The following PRKN variants were observed in gnomAD, a reference collection of about 807,000 sequenced individuals.
PRKN encodes the protein parkin RBR E3 ubiquitin protein ligase, also known as E3 ubiquitin-protein ligase parkin.
PRKN carries 56 observed loss-of-function variants against 59.5 expected under a neutral mutation model. The ratio of observed to expected loss-of-function variants is 0.94; its 90% CI spans 0.76 to 1.18. The LOEUF is 1.18. Among genes scored for constraint, PRKN ranks in the 50% most tolerant of loss-of-function variants. The pLI, the probability that PRKN is intolerant of heterozygous loss-of-function variation, is 0.00. For missense variants in PRKN, 657 were observed against 596.4 expected (o/e 1.10, Z -1.06); for synonymous variants, 250 against 222.1 (o/e 1.13, Z -1.12).
In PRKN at chr6:162,342,442, A is replaced by C. The variant is rs1164450503; in HGVS notation, c.172-79677T>G. ...TGAAGTAGTTTACATATATTATCTC[A>C]TATCACCTTCTTAATAACTTAATGA... On this transcript the variant is annotated intron_variant, in intron 2 of 11. Transcript: ENST00000366898. 2.0e-5 allele frequency among the ~76,000 whole-genome samples: 3 copies of C among 152,336 alleles called. No homozygotes were observed. The South Asian group carries it at 6.2e-4, about 32-fold the overall frequency.
At chr6:162,566,115 A>G (rs1780066906) in intron 1 of PRKN, among the ~76,000 whole-genome samples, 1 of 152,154 alleles carries the variant, frequency 6.6e-6, no homozygotes, top group Admixed American at 6.5e-5. Context: ...CCAAAGAGAG[A>G]GATAAGCCTC....
At chr6:161,840,891 G>A (rs780910910) in intron 6 of PRKN, among the ~76,000 whole-genome samples, 2 of 151,830 alleles carry the variant, frequency 1.3e-5, no homozygotes, top group Non-Finnish European at 2.9e-5. Flanking sequence ...TGGTCAGAAT[G>A]GCTATTATTA....
At chr6:162,210,641 C>T (rs184254276) in intron 3 of PRKN, among the ~76,000 whole-genome samples, 2 of 152,096 alleles carry the variant, frequency 1.3e-5, no homozygotes, top group Admixed American at 1.3e-4. Flanking sequence ...TTATGGAACA[C>T]AAACCCTGAT....
intron 2 of PRKN, among the ~76,000 whole-genome samples, chr6:162,399,534 T>C (rs964237455): frequency 6.6e-6 from 1 of 151,748 alleles, no homozygotes; most frequent in South Asian, 2.1e-4. Context: ...GAATAACACA[T>C]ACACACACAC....
intron 4 of PRKN, among the ~76,000 whole-genome samples, chr6:162,091,269 A>G (rs773536950): frequency 2.0e-5 from 3 of 152,198 alleles, no homozygotes; most frequent in Non-Finnish European, 4.4e-5. Context: ...TAAAGATGAT[A>G]GCTATTTACA....
chr6:162,519,545 CAT>C (rs1180010721), intron 1 of PRKN, among the ~76,000 whole-genome samples: 8 of 152,092 alleles, frequency 5.3e-5, no homozygotes, highest in African/African-American at 1.7e-4. Flanking sequence ...TTGATATTAA[CAT>C]ATGTGAGATT....
At chr6:161,431,967 A>G (rs1788667662) in intron 9 of PRKN, among the ~76,000 whole-genome samples, 1 of 152,194 alleles carries the variant, frequency 6.6e-6, no homozygotes, top group Non-Finnish European at 1.5e-5. Context: ...CACTTTCTTG[A>G]CAATGTTTGA....
Position 161,502,803 on chromosome 6 carries a change from G to T in PRKN, c.1083+46051C>A, listed in dbSNP as rs753009796. On this transcript the variant is annotated intron_variant, in intron 9 of 11. Coordinates refer to ENST00000366898, the MANE Select transcript of PRKN (RefSeq NM_004562.3). The surrounding 1 kb of genome is among the most constrained non-coding windows in gnomAD (Gnocchi z 4.0). The stretch of plus-strand genomic sequence containing the variant: ...TACGGTGAATGTGTGGGAAGGACAG[G>T]TGTGGAATGGTTATAAGTACATGCT... 4.6e-5 allele frequency among the ~76,000 whole-genome samples: 7 copies of T among 152,302 alleles called. No individual in the cohort carries two copies. The highest frequency in any genetic ancestry group is 7.4e-5 in the Non-Finnish European group (5 of 68,020).
At position 162,023,114 on chromosome 6, in the gene PRKN, C is replaced by A. The variant is rs565951958; in HGVS notation, c.618+30977G>T. 2.8e-4 allele frequency among the ~76,000 whole-genome samples: 43 copies of A among 152,048 alleles called. 2 individuals are homozygous for A. In the Middle Eastern group the frequency reaches 0.01, roughly 36 times the overall value. ...GGCTTGCTTCTTCAGAGCCCTGCTG[C>A]TCCAACCTCTAGGTGAACATACAGA... On this transcript the variant is annotated intron_variant, in intron 5 of 11. Transcript: ENST00000366898.
chr6:162,111,455 ACT>A (rs1385283329), intron 4 of PRKN, among the ~76,000 whole-genome samples: 3 of 146,806 alleles, frequency 2.0e-5, no homozygotes, highest in Admixed American at 6.8e-5. Flanking sequence ...ACAGAGTGAG[ACT>A]CTGTCTAAAA....
At chr6:161,665,758 T>C (rs182783593) in intron 7 of PRKN, among the ~76,000 whole-genome samples, 269 of 152,314 alleles carry the variant, frequency 1.8e-3, no homozygotes, top group Middle Eastern at 3.4e-3. Flanking sequence ...ACAAAACACG[T>C]CATCGGCCTT....
chr6:162,302,911 A>G (rs963341162), intron 2 of PRKN, among the ~76,000 whole-genome samples: 2 of 151,210 alleles, frequency 1.3e-5, no homozygotes, highest in South Asian at 4.2e-4. Flanking sequence ...AACCTCATTG[A>G]ACATTATCAT....
At chr6:161,787,536 C>A (rs1382019259) in intron 6 of PRKN, among the ~76,000 whole-genome samples, 1 of 152,242 alleles carries the variant, frequency 6.6e-6, no homozygotes. Context: ...TATTCTCCAT[C>A]TTGCTTTCAG....
At chr6:162,645,789 C>T (rs1178722862) in intron 1 of PRKN, among the ~76,000 whole-genome samples, 1 of 152,004 alleles carries the variant, frequency 6.6e-6, no homozygotes, top group African/African-American at 2.4e-5. Context: ...TCAAAAGACT[C>T]CCACCAAACC....
intron 2 of PRKN, among the ~76,000 whole-genome samples, chr6:162,414,534 CT>C (rs564218305): frequency 7.2e-4 from 109 of 151,094 alleles, no homozygotes; most frequent in Admixed American, 1.1e-3. Flanking sequence ...GGTGAAACCC[CT>C]ATCTCTACTA....
chr6:162,611,504 T>C (rs1175175115), intron 1 of PRKN, among the ~76,000 whole-genome samples: 1 of 152,136 alleles, frequency 6.6e-6, no homozygotes, highest in Non-Finnish European at 1.5e-5. Context: ...CACAGGTGTA[T>C]CAAGGGTGCA....
At chr6:162,482,886 C>G (rs1363585452) in intron 1 of PRKN, among the ~76,000 whole-genome samples, 1 of 152,090 alleles carries the variant, frequency 6.6e-6, no homozygotes, top group Non-Finnish European at 1.5e-5. Flanking sequence ...ACCAAACTGA[C>G]GCAGTCCAGC....
intron 1 of PRKN, among the ~76,000 whole-genome samples, chr6:162,578,132 C>T (rs1780638219): frequency 6.6e-6 from 1 of 151,906 alleles, no homozygotes; most frequent in Non-Finnish European, 1.5e-5. Context: ...AGGGGTTTAT[C>T]AAGAGGAAAT....
intron 6 of PRKN, among the ~76,000 whole-genome samples, chr6:161,957,702 C>A (rs558827166): frequency 6.6e-6 from 1 of 152,128 alleles, no homozygotes; most frequent in Non-Finnish European, 1.5e-5. Context: ...GGATTACAGG[C>A]GTGAGTCACC....
Sources: gnomAD v4.1 joint callset for allele counts (sites outside exome capture counted in the v4.1 genomes callset) on GRCh38, gnomAD v4.1.1 for gene constraint, Gnocchi (gnomAD v3.1) non-coding constraint, MANE v1.5 for transcripts, NCBI Gene and HGNC (gene_info 2026-07-23, HGNC 2026-07-21) for gene names.